The following SAMMSON variants were observed in gnomAD, a reference collection of about 807,000 sequenced individuals.
The protein encoded by SAMMSON is survival associated mitochondrial melanoma specific oncogenic non-coding RNA, also known as long intergenic non-protein coding RNA 1212.
chr3:70,313,083 G>GT (rs922720714), intron 7 of SAMMSON, among the ~76,000 whole-genome samples: 1 of 151,908 alleles, frequency 6.6e-6, no homozygotes, highest in Non-Finnish European at 1.5e-5. Context: ...AACATTTCAA[G>GT]TTTTTTTTGA....
At chr3:70,099,805 A>G (rs1217236537) in intron 4 of SAMMSON, among the ~76,000 whole-genome samples, 1 of 152,082 alleles carries the variant, frequency 6.6e-6, no homozygotes, top group East Asian at 1.9e-4. Flanking sequence ...GCTGGTTAAC[A>G]TTTATTACTT....
chr3:70,007,649 A>G (rs1465906053), intron 1 of SAMMSON, among the ~76,000 whole-genome samples: 17 of 151,672 alleles, frequency 1.1e-4, no homozygotes, highest in Admixed American at 5.9e-4. Context: ...TCTTTAGTTT[A>G]ATTAGATCCC....
intron 4 of SAMMSON, among the ~76,000 whole-genome samples, chr3:70,155,244 C>G (rs1470522552): frequency 6.6e-6 from 1 of 151,816 alleles, no homozygotes; most frequent in East Asian, 1.9e-4. Flanking sequence ...CATCACGACT[C>G]TGGGGGTTGG....
intron 6 of SAMMSON, among the ~76,000 whole-genome samples, chr3:70,285,889 A>G (rs1575615682): frequency 6.6e-6 from 1 of 151,586 alleles, no homozygotes; most frequent in South Asian, 2.1e-4. Context: ...TCCTTCGCCC[A>G]CTTTTTGATG....
chr3:70,157,831 T>C (rs1347651327), intron 4 of SAMMSON, among the ~76,000 whole-genome samples: 1 of 152,056 alleles, frequency 6.6e-6, no homozygotes, highest in African/African-American at 2.4e-5. Flanking sequence ...CAGATGAATA[T>C]TATAAATCTC....
intron 3 of SAMMSON, among the ~76,000 whole-genome samples, chr3:70,059,320 A>C (rs1013007780): frequency 2.0e-5 from 3 of 152,132 alleles, no homozygotes; most frequent in Non-Finnish European, 4.4e-5. Context: ...TCAGATAAAA[A>C]GAACCAATGG....
At chr3:70,051,154 A>G (rs1024760984) in intron 3 of SAMMSON, among the ~76,000 whole-genome samples, 41 of 148,244 alleles carry the variant, frequency 2.8e-4, no homozygotes, top group Non-Finnish European at 4.9e-4. Flanking sequence ...AAAAAAAAAA[A>G]AAAAAAGAAA....
chr3:70,354,417 C>T (rs933057685), intron 8 of SAMMSON: 6 of 152,250 alleles, frequency 3.9e-5, no homozygotes, highest in Admixed American at 3.3e-4. Flanking sequence ...TGAAGCAATT[C>T]ACGAAGACTG....
intron 2 of SAMMSON, among the ~76,000 whole-genome samples, chr3:70,430,162 A>G (rs1027577098): frequency 6.6e-6 from 1 of 152,092 alleles, no homozygotes; most frequent in Non-Finnish European, 1.5e-5. Context: ...GTTTATTGAG[A>G]GTTTTTAGCA....
intron 3 of SAMMSON, among the ~76,000 whole-genome samples, chr3:70,051,668 A>G (rs915727892): frequency 5.9e-5 from 9 of 151,808 alleles, no homozygotes. Flanking sequence ...ATCTTTTTGT[A>G]CAATGTTATT....
chr3:70,170,194 A>G (rs1348254976), intron 4 of SAMMSON, among the ~76,000 whole-genome samples: 1 of 152,084 alleles, frequency 6.6e-6, no homozygotes, highest in African/African-American at 2.4e-5. Flanking sequence ...GAGAAACTTG[A>G]ATTTCATTGA....
At chr3:70,327,054 C>T (rs148778390) in intron 7 of SAMMSON, among the ~76,000 whole-genome samples, 185 of 152,198 alleles carry the variant, frequency 1.2e-3, no homozygotes, top group Non-Finnish European at 2.4e-3. Context: ...GATGGGGTTT[C>T]GCCATGTTGA....
chr3:70,016,346 T>G (rs969899038), intron 3 of SAMMSON, among the ~76,000 whole-genome samples: 6 of 152,150 alleles, frequency 3.9e-5, no homozygotes, highest in African/African-American at 1.2e-4. Flanking sequence ...GTGTCTGTTG[T>G]CTGTATAAAT....
rs1701530324 is a variant in SAMMSON at position 70,228,602 on chromosome 3, G to A, written n.508-20505G>A. Among the ~76,000 whole-genome samples the A allele has an allele frequency of 2.0e-5, 3 of 150,946 alleles. No homozygotes were observed. The South Asian group carries it at 6.2e-4, about 31-fold the overall frequency. On this transcript the variant is annotated intron_variant and non_coding_transcript_variant, in intron 4 of 9. Coordinates refer to ENST00000642114, the Ensembl canonical transcript of SAMMSON. ...AAAATATTTCAGAGTCGACTTACTG[G>A]AACCTGATGAAACATTTAAGTTTTC...
chr3:70,343,946 G>T lies in SAMMSON; in HGVS notation n.740-10229G>T, dbSNP rs1189217254. ...ATATAATTTTATATTATTTTATTTT[G>T]TTGCTCAAATTGTTCTATCTTTGGT... On this transcript the variant is annotated intron_variant and non_coding_transcript_variant, in intron 7 of 9. Coordinates refer to ENST00000642114, the Ensembl canonical transcript of SAMMSON. Among the ~76,000 whole-genome samples the T allele has an allele frequency of 4.7e-5, 7 of 149,044 alleles. No homozygotes were observed. In the East Asian group the frequency reaches 9.9e-4, roughly 21 times the overall value.
chr3:70,417,369 A>G (rs963267693), intron 2 of SAMMSON, among the ~76,000 whole-genome samples: 25 of 152,298 alleles, frequency 1.6e-4, no homozygotes, highest in Admixed American at 1.6e-3. Context: ...TCCTTAAATT[A>G]TCTTTCCCTA....
At chr3:70,249,527 C>T (rs1245015988) in intron 5 of SAMMSON, 9 of 152,058 alleles carry the variant, frequency 5.9e-5, no homozygotes, top group Non-Finnish European at 1.3e-4. Context: ...CATCCTTTCC[C>T]CTCTCTCTTT....
At chr3:70,306,091 A>G (rs968469772) in intron 7 of SAMMSON, among the ~76,000 whole-genome samples, 9 of 152,126 alleles carry the variant, frequency 5.9e-5, no homozygotes, top group Admixed American at 5.9e-4. Flanking sequence ...ATTCACCTAA[A>G]TAATGGAGTT....
At chr3:70,110,568 A>G (rs949404486) in intron 4 of SAMMSON, among the ~76,000 whole-genome samples, 6 of 152,280 alleles carry the variant, frequency 3.9e-5, no homozygotes, top group Middle Eastern at 3.4e-3. Flanking sequence ...CAGAGCTGCT[A>G]TATCCTTATC....
Sources: allele counts gnomAD v4.1 joint callset (sites outside exome capture counted in the v4.1 genomes callset), GRCh38; gene constraint gnomAD v4.1.1; transcripts MANE v1.5; gene names NCBI Gene and HGNC (gene_info 2026-07-23, HGNC 2026-07-21).